TARDBP: variants seen among roughly 807,000 people sequenced by gnomAD.
TARDBP encodes the protein TAR DNA-binding protein 43.
A neutral mutation model predicts 38.3 loss-of-function variants in TARDBP; 4 were observed. That is an observed-to-expected ratio of 0.10 (90% CI 0.05 to 0.24). The LOEUF (loss-of-function observed/expected upper bound fraction) is 0.24. Ranked by LOEUF, TARDBP falls within the 10% of genes least tolerant of loss-of-function variation. The pLI is 1.00. For synonymous variants in TARDBP, 184 were observed against 183.8 expected (o/e 1.00, Z -0.01); for missense variants, 202 against 521.9 (o/e 0.39, Z 5.97).
downstream of TARDBP, chr1:11,026,192 T>G (rs1643729283): frequency 6.5e-6 from 1 of 152,734 alleles, no homozygotes; most frequent in South Asian, 2.1e-4. Context: ...TGCATGCTTT[T>G]TAAGGGCTTT....
intron 3 of TARDBP, chr1:11,018,262 C>G: frequency 4.9e-6 from 1 of 203,038 alleles, no homozygotes; most frequent in East Asian, 1.3e-4. Flanking sequence ...AATGTAGGCT[C>G]GCTGCAACCT....
chr1:11,015,104 C>CA (rs558408616), intron 2 of TARDBP, among the ~76,000 whole-genome samples: 1,501 of 133,382 alleles, frequency 0.011, 18 homozygotes, highest in African/African-American at 0.035. Flanking sequence ...GACTTCGTCT[C>CA]AAAAAAAAAA....
intron 1 of TARDBP, among the ~76,000 whole-genome samples, chr1:11,013,453 C>T (rs1570711506): frequency 4.6e-5 from 1 of 21,668 alleles, no homozygotes; most frequent in East Asian, 8.8e-3. Context: ...GTTGGACTCA[C>T]AGTTACAGTT....
rs548888176 is a variant in TARDBP, at chr1:11,023,022, C to G, written c.*368C>G. The G allele has an allele frequency of 7.0e-7, 1 of 1,429,406 alleles. No homozygotes were observed. Among genetic ancestry groups the G allele is most frequent in the African/African-American group, 1.4e-5 (1 of 69,490 alleles). The allele number at this position is 1,429,406 out of a possible 1,614,324, so 88.5% of individuals were successfully genotyped here. On this transcript the variant is annotated 3_prime_UTR_variant, in exon 6 of 6. Coordinates refer to ENST00000240185, the MANE Select transcript of TARDBP (RefSeq NM_007375.4). ...GGAAACCATTGATTAGAACTACATT[C>G]TTTACCCCTTGTTTTAATTTGAACC...
At chr1:11,015,222 A>T (rs947713427) in intron 2 of TARDBP, among the ~76,000 whole-genome samples, 4 of 152,034 alleles carry the variant, frequency 2.6e-5, no homozygotes, top group Admixed American at 2.6e-4. Flanking sequence ...GCAATGGCTC[A>T]CACCTGTAAT....
chr1:11,013,253 A>G (rs539431735), intron 1 of TARDBP, among the ~76,000 whole-genome samples: 1 of 152,348 alleles, frequency 6.6e-6, no homozygotes, highest in Non-Finnish European at 1.5e-5. Context: ...TTCACTGCCC[A>G]TATTCAGTCT....
chr1:11,013,607 C>CA (rs1643458444), intron 1 of TARDBP, 109 bp from the exon 2 acceptor site: 5 of 910,222 alleles, frequency 5.5e-6, no homozygotes. Context: ...CGAATCCAGA[C>CA]AAGCATTTTT....
At position 11,022,674 on chromosome 1, in the gene TARDBP, T is replaced by C; in HGVS notation, c.*20T>C. ...ATGTAGACAGTGGGGTTGTGGTTGG[T>C]TGGTATAGAATGGTGGGAATTCAAA... On this transcript the variant is annotated 3_prime_UTR_variant, in exon 6 of 6. Transcript: ENST00000240185. The surrounding 1 kb of genome is among the most constrained non-coding windows in gnomAD (Gnocchi z 4.5). The C allele has an allele frequency of 6.2e-7, 1 of 1,608,120 alleles. No individual in the cohort carries two copies. The highest frequency in any genetic ancestry group is 8.5e-7 in the Non-Finnish European group (1 of 1,177,334).
downstream of TARDBP, chr1:11,026,579 A>G: frequency 4.5e-6 from 1 of 220,062 alleles, no homozygotes. Flanking sequence ...CAGAAATGCC[A>G]ACAGCCAGTA....
downstream of TARDBP, chr1:11,026,556 G>T (rs1191074924): frequency 5.1e-6 from 1 of 194,192 alleles, no homozygotes; most frequent in African/African-American, 2.3e-5. Context: ...AAAGAGCATG[G>T]ACAGGCAGTT....
Position 11,013,900 on chromosome 1 carries a change from A to G in TARDBP, c.173A>G (p.Glu58Gly). ...SQCMRGVRLVEGILHAPDAGW... is the reference protein window; with the variant it reads ...SQCMRGVRLVGGILHAPDAGW... Reference sequence around the variant, plus strand: ...TGTATGAGAGGTGTCCGGCTGGTAGAAGGAATTCTGCATGCCCCAGATGCT... The same window carrying G: ...TGTATGAGAGGTGTCCGGCTGGTAGGAGGAATTCTGCATGCCCCAGATGCT... Residue 58 changes from glutamate to glycine, a missense_variant, in exon 2 of 6, where the codon GAA becomes GGA. Around this residue, in one of 5 missense-constraint regions of TARDBP, gnomAD observed 71 missense variants for 185.4 expected, o/e 0.38. Transcript: ENST00000240185. 1 of 1,614,198 alleles carries G rather than the reference A, an allele frequency of 6.2e-7. No homozygotes were observed. Among genetic ancestry groups the G allele is most frequent in the Non-Finnish European group, 8.5e-7 (1 of 1,180,046 alleles).
intron 5 of TARDBP, 109 bp downstream of exon 5, chr1:11,020,708 C>A: frequency 8.7e-7 from 1 of 1,148,172 alleles, no homozygotes; most frequent in South Asian, 1.2e-5. Flanking sequence ...GAGATCAAGA[C>A]CATCCTGGCC....
chr1:11,022,251 G>T lies in TARDBP; in HGVS notation c.842G>T (p.Gly281Val). The T allele has an allele frequency of 6.2e-7, 1 of 1,613,994 alleles. No individual in the cohort carries two copies. The highest frequency in any genetic ancestry group is 8.5e-7 in the Non-Finnish European group (1 of 1,179,878). Residue 281 changes from glycine (G) to valine (V), a missense_variant, in exon 6 of 6, where the codon GGT (glycine) becomes GTT (valine). Gly to Val is a moderately radical substitution (Grantham distance 109). Coordinates refer to ENST00000240185, the MANE Select transcript of TARDBP (RefSeq NM_007375.4). The surrounding 1 kb of genome is among the most constrained non-coding windows in gnomAD (Gnocchi z 4.5). ...AGTGGAAGATTTGGTGGTAATCCAGGTGGCTTTGGGAATCAGGGTGGATTT... is the reference window on the plus strand; with the variant it reads ...AGTGGAAGATTTGGTGGTAATCCAGTTGGCTTTGGGAATCAGGGTGGATTT... Reference protein sequence around the residue: ...ERSGRFGGNPGGFGNQGGFGN... With the variant: ...ERSGRFGGNPVGFGNQGGFGN...
chr1:11,019,091 G>A, intron 4 of TARDBP: 2 of 618,012 alleles, frequency 3.2e-6, no homozygotes, highest in Non-Finnish European at 5.6e-6. Flanking sequence ...TGTTCATTTT[G>A]TTCTTCCTTT....
At chr1:11,025,724 A>G (rs1643721128), downstream of TARDBP, 3 of 152,446 alleles carry the variant, frequency 2.0e-5, no homozygotes, top group African/African-American at 4.8e-5. Context: ...AATGTTAGCT[A>G]TTAAAACCTT....
chr1:11,027,681 T>G (rs985799396), downstream of TARDBP: 6 of 1,541,016 alleles, frequency 3.9e-6, no homozygotes, highest in Admixed American at 2.2e-5. Context: ...AGAGAGCCTT[T>G]GTAAAAATGT....
chr1:11,013,667 C>G (rs542695606), intron 1 of TARDBP, 49 bp from the exon 2 acceptor site: 1 of 1,430,364 alleles, frequency 7.0e-7, no homozygotes, highest in Non-Finnish European at 9.7e-7. Flanking sequence ...TATAAGGAAA[C>G]AGTTATTCTG....
In TARDBP at chr1:11,023,111, T is replaced by G; in HGVS notation, c.*457T>G. The G allele has an allele frequency of 6.5e-7, 1 of 1,531,778 alleles. No individual in the cohort carries two copies. The highest frequency in any genetic ancestry group is 8.8e-7 in the Non-Finnish European group (1 of 1,135,054). 94.9% of individuals were successfully genotyped at this position (1,531,778 alleles called of 1,614,324 possible). ...TAGGAGATCATGGTGTCACAGTGTT[T>G]GGTTCTTTTGTTTTGTTTTTTAACA... On this transcript the variant is annotated 3_prime_UTR_variant, in exon 6 of 6. Coordinates refer to ENST00000240185, the MANE Select transcript of TARDBP (RefSeq NM_007375.4).
At chr1:11,028,393 G>A (rs1305239607), downstream of TARDBP, among the ~76,000 whole-genome samples, 3 of 152,112 alleles carry the variant, frequency 2.0e-5, no homozygotes, top group Admixed American at 6.6e-5. Flanking sequence ...GTCAGTATCA[G>A]GATTTGCAAA....
Sources: gnomAD v4.1 joint callset for allele counts (sites outside exome capture counted in the v4.1 genomes callset) on GRCh38, gnomAD v4.1.1 for gene constraint, gnomAD v4.1.1 regional missense constraint, Gnocchi (gnomAD v3.1) non-coding constraint, MANE v1.5 for transcripts, NCBI Gene and HGNC (gene_info 2026-07-23, HGNC 2026-07-21) for gene names.